PRKG1: variants seen among roughly 807,000 people sequenced by gnomAD.
The protein encoded by PRKG1 is cGMP-dependent protein kinase 1.
A neutral mutation model predicts 88.1 loss-of-function variants in PRKG1; 35 were observed. The ratio of observed to expected loss-of-function variants is 0.40; its 90% CI spans 0.30 to 0.53. PRKG1 has a LOEUF of 0.53. Among genes scored for constraint, PRKG1 ranks in the 20% least tolerant of loss-of-function variants. PRKG1 has a pLI of 0.59. For missense variants in PRKG1, 540 were observed against 839.8 expected (o/e 0.64, Z 4.41); for synonymous variants, 303 against 292.5 (o/e 1.04, Z -0.37).
intron 8 of PRKG1, among the ~76,000 whole-genome samples, chr10:52,147,903 C>T (rs1366021909): frequency 1.3e-5 from 2 of 152,066 alleles, no homozygotes; most frequent in Non-Finnish European, 2.9e-5. Context: ...TTAGGTTGAG[C>T]TTGAGGTACA....
At chr10:51,240,893 A>T (rs1839135415) in intron 2 of PRKG1, among the ~76,000 whole-genome samples, 1 of 152,242 alleles carries the variant, frequency 6.6e-6, no homozygotes, top group Admixed American at 6.5e-5. Context: ...CTCTTCCAAA[A>T]GAATAGTGAA....
At chr10:52,290,517 A>G (rs1210174042) in intron 17 of PRKG1, among the ~76,000 whole-genome samples, 1 of 152,142 alleles carries the variant, frequency 6.6e-6, no homozygotes, top group African/African-American at 2.4e-5. Context: ...TTAACTATTC[A>G]TTTGATTCAA....
At chr10:51,347,403 A>G (rs1341115818) in intron 2 of PRKG1, among the ~76,000 whole-genome samples, 1 of 152,206 alleles carries the variant, frequency 6.6e-6, no homozygotes, top group African/African-American at 2.4e-5. Flanking sequence ...TTTCTAACGA[A>G]GAATGGATAC....
At chr10:51,529,277 T>C (rs1841957041) in intron 3 of PRKG1, among the ~76,000 whole-genome samples, 1 of 152,158 alleles carries the variant, frequency 6.6e-6, no homozygotes, top group Non-Finnish European at 1.5e-5. Flanking sequence ...ACCTACACTA[T>C]TGCATTGATG....
intron 2 of PRKG1, among the ~76,000 whole-genome samples, chr10:51,403,318 A>AT: frequency 6.6e-6 from 1 of 152,170 alleles, no homozygotes. Flanking sequence ...AATACTTAAA[A>AT]TTTTCAGATC....
chr10:51,128,825 A>C (rs1845495373), intron 1 of PRKG1, among the ~76,000 whole-genome samples: 1 of 152,234 alleles, frequency 6.6e-6, no homozygotes, highest in South Asian at 2.1e-4. Context: ...AAAATTTAAT[A>C]TTCATGTCTC....
intron 3 of PRKG1, among the ~76,000 whole-genome samples, chr10:51,596,898 C>T (rs1467964226): frequency 6.6e-6 from 1 of 152,028 alleles, no homozygotes; most frequent in Non-Finnish European, 1.5e-5. Flanking sequence ...CCAACAGCAA[C>T]ACCAGGCACT....
chr10:51,266,533 A>G (rs1368623786), intron 2 of PRKG1, among the ~76,000 whole-genome samples: 1 of 152,218 alleles, frequency 6.6e-6, no homozygotes, highest in Admixed American at 6.5e-5. Context: ...CAAAATTGAT[A>G]AGAATTTGGT....
At chr10:51,991,335 C>G (rs1237052973) in intron 5 of PRKG1, among the ~76,000 whole-genome samples, 5 of 151,954 alleles carry the variant, frequency 3.3e-5, no homozygotes, top group African/African-American at 1.2e-4. Flanking sequence ...TTTGTCTTGC[C>G]TAATTGCTAT....
intron 3 of PRKG1, among the ~76,000 whole-genome samples, chr10:51,797,266 A>C (rs1362976111): frequency 6.6e-6 from 1 of 150,398 alleles, no homozygotes; most frequent in African/African-American, 2.4e-5. Context: ...CTAGCCAAGT[A>C]AATACATCTG....
At position 52,266,186 on chromosome 10, in the gene PRKG1, TTTA is replaced by T. The variant is rs60451262; in HGVS notation, c.1174-5140_1174-5138del. ...TTAGTTAATGAACCAATATTAATGC[TTTA>T]TTATTATTATTATTATTATTATTGT... is the stretch of plus-strand genomic sequence containing the variant. On this transcript the variant is annotated intron_variant, in intron 10 of 17. Transcript: ENST00000373980. 4.6e-3 allele frequency among the ~76,000 whole-genome samples: 690 copies of T among 149,222 alleles called. 3 individuals carry two copies. Among genetic ancestry groups the T allele is most frequent in the African/African-American group, 0.014 (564 of 40,910 alleles).
At chr10:51,636,767 A>C (rs1839666253) in intron 3 of PRKG1, among the ~76,000 whole-genome samples, 1 of 152,140 alleles carries the variant, frequency 6.6e-6, no homozygotes, top group African/African-American at 2.4e-5. Flanking sequence ...TTAGTTTGTT[A>C]CTTTTAACTA....
intron 4 of PRKG1, among the ~76,000 whole-genome samples, chr10:51,875,545 T>A (rs1311383922): frequency 6.6e-6 from 1 of 152,136 alleles, no homozygotes. Flanking sequence ...GTAGCTGAGA[T>A]ACAGACACTT....
chr10:51,007,239 C>A (rs1171862958), intron 1 of PRKG1, among the ~76,000 whole-genome samples: 1 of 152,016 alleles, frequency 6.6e-6, no homozygotes, highest in African/African-American at 2.4e-5. Flanking sequence ...GCCACTGCGT[C>A]CGGCTGGGCC....
chr10:51,443,905 C>G (rs1839194244), intron 2 of PRKG1, among the ~76,000 whole-genome samples: 1 of 151,828 alleles, frequency 6.6e-6, no homozygotes, highest in South Asian at 2.1e-4. Context: ...ATAAAGCAAC[C>G]CATCTTCTGT....
chr10:52,073,190 C>A (rs1401290190), intron 7 of PRKG1, among the ~76,000 whole-genome samples: 1 of 152,166 alleles, frequency 6.6e-6, no homozygotes, highest in Admixed American at 6.5e-5. Context: ...CAAAATCTTT[C>A]TTTATGAGAA....
Position 51,034,663 on chromosome 10 carries a change from G to GTTATT in PRKG1, c.266+43021_266+43025dup, listed in dbSNP as rs1843327811. On this transcript the variant is annotated intron_variant, in intron 1 of 17. Transcript: ENST00000401604. The stretch of plus-strand genomic sequence containing the variant: ...AAATAAGCAAAATTATATATAATAT[G>GTTATT]TTATTTATATATATATATATATATA... Among the ~76,000 whole-genome samples, 3 of 12,400 alleles carry GTTATT rather than the reference G, an allele frequency of 2.4e-4. 1 individual carries two copies. 8.1% of individuals were successfully genotyped at this position (12,400 alleles called of 152,430 possible).
intron 2 of PRKG1, among the ~76,000 whole-genome samples, chr10:51,339,172 C>A (rs1238321645): frequency 6.6e-6 from 1 of 152,094 alleles, no homozygotes; most frequent in African/African-American, 2.4e-5. Flanking sequence ...ATTTCTTTGA[C>A]CTTCTCCTTT....
At position 52,086,925 on chromosome 10, in the gene PRKG1, G is replaced by A. The variant is rs111812915; in HGVS notation, c.935+24294G>A. ...TCCTTTTTCACATGGCAGCAGCAAG[G>A]AGAAGTGCCGAGTAAAAGGGAGAAA... On this transcript the variant is annotated intron_variant, in intron 7 of 17. Transcript: ENST00000373980. Among the ~76,000 whole-genome samples, 173 of 152,232 alleles carry A rather than the reference G, an allele frequency of 1.1e-3. 1 individual carries two copies. The highest frequency in any genetic ancestry group is 4.0e-3 in the African/African-American group (168 of 41,562).
Sources: allele counts gnomAD v4.1 joint callset (sites outside exome capture counted in the v4.1 genomes callset), GRCh38; gene constraint gnomAD v4.1.1; transcripts MANE v1.5; gene names NCBI Gene and HGNC (gene_info 2026-07-23, HGNC 2026-07-21).